Variants in POLR1A observed in about 807,000 individuals in gnomAD.
POLR1A encodes DNA-directed RNA polymerase I subunit RPA1.
A neutral mutation model predicts 205.3 loss-of-function variants in POLR1A; 84 were observed. The observed-to-expected ratio is 0.41, with a 90% CI of 0.34 to 0.49. The LOEUF (loss-of-function observed/expected upper bound fraction) is 0.49, where lower values mean the gene tolerates loss of function less well. POLR1A is among the 20% of genes least tolerant of loss of function. The probability of loss-of-function intolerance (pLI) is 0.22; values close to 1 mark genes in which losing one functional copy is unlikely to be tolerated. For missense variants in POLR1A, 1,645 were observed against 2,204.5 expected (o/e 0.75, Z 5.08); for synonymous variants, 799 against 863.7 (o/e 0.93, Z 1.31).
At chr2:86,065,138 A>C in intron 14 of POLR1A, 136 bp downstream of exon 14, 1 of 822,106 alleles carries the variant, frequency 1.2e-6, no homozygotes, top group Non-Finnish European at 1.9e-6. Context: ...ACCCCAAACA[A>C]AGGGGAAAGA....
At position 86,049,252 on chromosome 2, in the gene POLR1A, G is replaced by T; in HGVS notation, c.2393-10C>A. ...AAAATGTCTTCCACGCCTGTGAAGT[G>T]AAACAGACAAGCTTGTAGGCGACCT... is the stretch of plus-strand genomic sequence containing the variant. On this transcript the variant is annotated splice_polypyrimidine_tract_variant and intron_variant, in intron 16 of 33. Transcript: ENST00000263857. 1 of 1,607,054 alleles carries T rather than the reference G, an allele frequency of 6.2e-7. No homozygotes were observed. The highest frequency in any genetic ancestry group is 8.5e-7 in the Non-Finnish European group (1 of 1,173,680).
rs562177181 is a variant in POLR1A, at chr2:86,086,162, G to A, written c.730+2404C>T. ...CAACCTCCGCCTCCTGGGTTCAAGC[G>A]ATTCTCCTGTCTCAGCCTCCTGAGT... On this transcript the variant is annotated intron_variant, in intron 6 of 33. Transcript: ENST00000263857. Among the ~76,000 whole-genome samples the A allele has an allele frequency of 2.6e-4, 40 of 152,166 alleles. 1 individual carries two copies. The highest frequency in any genetic ancestry group is 9.6e-4 in the African/African-American group (40 of 41,536).
intron 3 of POLR1A, among the ~76,000 whole-genome samples, chr2:86,095,946 T>C (rs2367200): frequency 0.28 from 43,004 of 151,808 alleles, 7,182 homozygotes; most frequent in East Asian, 0.5. Context: ...GCTAGGATGG[T>C]CTCGATCTCC....
chr2:86,071,011 T>C (rs542956732), intron 12 of POLR1A, among the ~76,000 whole-genome samples: 2 of 151,958 alleles, frequency 1.3e-5, no homozygotes, highest in South Asian at 4.2e-4. Flanking sequence ...CGGCAAAAAC[T>C]AGAAATAACC....
At chr2:86,083,473 T>C (rs1044911650) in intron 6 of POLR1A, among the ~76,000 whole-genome samples, 1 of 152,226 alleles carries the variant, frequency 6.6e-6, no homozygotes, top group African/African-American at 2.4e-5. Context: ...GGCCTTTTTG[T>C]CTATACACGT....
intron 27 of POLR1A, 68 bp from the exon 28 acceptor site, chr2:86,033,855 G>A (rs887200611): frequency 6.3e-7 from 1 of 1,577,442 alleles, no homozygotes; most frequent in African/African-American, 1.3e-5. Context: ...CTCATTTGGG[G>A]GATAGGACGC....
rs552860666 is a variant in POLR1A at position 86,027,868 on chromosome 2, C to T, written c.5062+17G>A. On this transcript the variant is annotated intron_variant, in intron 33 of 33. Transcript: ENST00000263857. The stretch of plus-strand genomic sequence containing the variant: ...CGTCAGTAGAGGGGAGGCCAGGGCT[C>T]CTGCCCACGCACTAACCCAGCATGG... 9.3e-6 allele frequency: 15 copies of T among 1,613,826 alleles called. No homozygotes were observed. In the South Asian group the frequency reaches 1.5e-4, roughly 17 times the overall value.
intron 3 of POLR1A, among the ~76,000 whole-genome samples, chr2:86,091,022 A>G: frequency 6.6e-6 from 1 of 152,236 alleles, no homozygotes. Flanking sequence ...GAAATCTAAC[A>G]GGAAGCCATC....
At chr2:86,038,007 A>G (rs973692472) in intron 27 of POLR1A, among the ~76,000 whole-genome samples, 1 of 152,182 alleles carries the variant, frequency 6.6e-6, no homozygotes, top group Non-Finnish European at 1.5e-5. Flanking sequence ...TTCACCGTCT[A>G]GGGTTAGCTG....
chr2:86,100,277 G>C lies in POLR1A; in HGVS notation c.78-105C>G. The C allele has an allele frequency of 6.0e-6, 5 of 831,304 alleles. No individual in the cohort carries two copies. In the Middle Eastern group the frequency reaches 1.3e-3, roughly 212 times the overall value. 51.5% of individuals were successfully genotyped at this position (831,304 alleles called of 1,614,324 possible). A position where few individuals can be genotyped will look rare whatever the true frequency, so the allele number is the denominator to read the frequency against. ...TTAAGTGATTATTTAATGCCTGCTT[G>C]ATAGCTCTGGAGGGCACAATCTGTC... On this transcript the variant is annotated intron_variant, in intron 1 of 33. Transcript: ENST00000263857.
intron 7 of POLR1A, among the ~76,000 whole-genome samples, 196 bp downstream of exon 7, chr2:86,082,886 T>C (rs1231747479): frequency 6.6e-6 from 1 of 152,202 alleles, no homozygotes; most frequent in Non-Finnish European, 1.5e-5. Flanking sequence ...TGTCAAGTTT[T>C]TGGTGCTGGG....
intron 30 of POLR1A, 83 bp downstream of exon 30, chr2:86,031,247 G>C: frequency 6.7e-7 from 1 of 1,492,506 alleles, no homozygotes; most frequent in Non-Finnish European, 8.9e-7. Flanking sequence ...AGCTGTGCAG[G>C]GGAGCTCAGC....
chr2:86,072,982 G>A (rs1228664215), intron 12 of POLR1A, among the ~76,000 whole-genome samples: 4 of 152,140 alleles, frequency 2.6e-5, no homozygotes, highest in Non-Finnish European at 5.9e-5. Context: ...GGAGGCTGAG[G>A]AGGGCAGATC....
intron 27 of POLR1A, among the ~76,000 whole-genome samples, chr2:86,035,479 T>C (rs1672478480): frequency 6.6e-6 from 1 of 152,176 alleles, no homozygotes; most frequent in Non-Finnish European, 1.5e-5. Context: ...GAGGCTACTG[T>C]GCAGAGCAGA....
intron 8 of POLR1A, 83 bp downstream of exon 8, chr2:86,081,518 C>T: frequency 2.4e-6 from 2 of 819,032 alleles, no homozygotes. Context: ...GTGCCCTTGG[C>T]CCTTTCACCT....
intron 6 of POLR1A, 135 bp downstream of exon 6, chr2:86,088,431 C>G (rs2104427878): frequency 3.2e-6 from 2 of 632,106 alleles, no homozygotes; most frequent in East Asian, 5.4e-5. Flanking sequence ...CCTGAGAGGC[C>G]TGCACACTGT....
In POLR1A at chr2:86,044,321, G is replaced by T; in HGVS notation, c.2970-17C>A. 2 of 1,613,870 alleles carry T rather than the reference G, an allele frequency of 1.2e-6. No individual in the cohort carries two copies. Among genetic ancestry groups the T allele is most frequent in the South Asian group, 1.1e-5 (1 of 91,068 alleles). ...ATGATGCACCTGTAAGGACACCATC[G>T]GCTCAGTCCCCGCCGGCCCATCACC... On this transcript the variant is annotated splice_polypyrimidine_tract_variant and intron_variant, in intron 21 of 33. Transcript: ENST00000263857.
At chr2:86,085,152 G>A (rs1484755387) in intron 6 of POLR1A, among the ~76,000 whole-genome samples, 4 of 152,144 alleles carry the variant, frequency 2.6e-5, no homozygotes, top group East Asian at 1.9e-4. Context: ...TAGTAGAGAC[G>A]GGGTTTCACC....
intron 30 of POLR1A, among the ~76,000 whole-genome samples, chr2:86,030,817 T>C (rs1672373271): frequency 6.6e-6 from 1 of 152,142 alleles, no homozygotes; most frequent in Admixed American, 6.5e-5. Context: ...TGTCTAGGCA[T>C]CCAGATCATC....
Sources: gnomAD v4.1 joint callset for allele counts (sites outside exome capture counted in the v4.1 genomes callset) on GRCh38, gnomAD v4.1.1 for gene constraint, MANE v1.5 for transcripts, NCBI Gene and HGNC (gene_info 2026-07-23, HGNC 2026-07-21) for gene names.